NXN: variants seen among roughly 807,000 people sequenced by gnomAD.
NXN encodes the protein nucleoredoxin.
NXN carries 16 observed loss-of-function variants against 48.6 expected under a neutral mutation model. The ratio of observed to expected loss-of-function variants is 0.33; its 90% CI spans 0.22 to 0.50. The LOEUF (loss-of-function observed/expected upper bound fraction) is 0.50, where lower values mean the gene tolerates loss of function less well. NXN is among the 20% of genes least tolerant of loss of function. The pLI is 0.98. For missense variants in NXN, 492 were observed against 605.5 expected (o/e 0.81, Z 1.97); for synonymous variants, 281 against 269.6 (o/e 1.04, Z -0.41).
intron 1 of NXN, among the ~76,000 whole-genome samples, chr17:957,796 G>A (rs2069188497): frequency 1.3e-5 from 2 of 152,056 alleles, no homozygotes; most frequent in Non-Finnish European, 2.9e-5. Context: ...CTGGAACCCA[G>A]ACTCTCTTTC....
At position 979,519 on chromosome 17, in the gene NXN, C is replaced by T; in HGVS notation, c.160G>A (p.Ala54Thr). The change falls in exon 1 of 8, where the codon GCC becomes ACC. Residue 54 changes from alanine (A) to threonine (T), a missense_variant. Coordinates refer to ENST00000336868, the MANE Select transcript of NXN (RefSeq NM_022463.5). ...APCAQLSASL[A>T]AFYGRLRGDA... ...CCCCGCAGGCGCCCGTAGAAGGCGG[C>T]CAGGCTGGCGCTGAGCTGCGCGCAG... 1.5e-5 allele frequency: 19 copies of T among 1,264,900 alleles called. No homozygotes were observed. The highest frequency in any genetic ancestry group is 1.9e-5 in the Non-Finnish European group (19 of 1,000,070). 78.4% of individuals were successfully genotyped at this position (1,264,900 alleles called of 1,614,324 possible).
At chr17:863,623 G>A (rs2068064082) in intron 1 of NXN, among the ~76,000 whole-genome samples, 1 of 152,158 alleles carries the variant, frequency 6.6e-6, no homozygotes, top group South Asian at 2.1e-4. Flanking sequence ...TCCATGCCCA[G>A]ATAATTTTTA....
Position 932,939 on chromosome 17 carries a change from C to T in NXN, c.360+46380G>A, listed in dbSNP as rs1296403065. On this transcript the variant is annotated intron_variant, in intron 1 of 7. Coordinates refer to ENST00000336868, the MANE Select transcript of NXN (RefSeq NM_022463.5). The surrounding 1 kb of genome is among the most constrained non-coding windows in gnomAD (Gnocchi z 4.1). Reference sequence around the variant, plus strand: ...CTGGGATTCCAGGCGTGAGCCACCGCGCCCAGCCCAGCCCGTCCTCTTGAA... The same window carrying T: ...CTGGGATTCCAGGCGTGAGCCACCGTGCCCAGCCCAGCCCGTCCTCTTGAA... Among the ~76,000 whole-genome samples the T allele has an allele frequency of 1.3e-5, 2 of 151,782 alleles. No individual in the cohort carries two copies. Among genetic ancestry groups the T allele is most frequent in the Non-Finnish European group, 2.9e-5 (2 of 67,936 alleles).
intron 1 of NXN, among the ~76,000 whole-genome samples, chr17:856,179 G>A (rs2067984056): frequency 6.6e-6 from 1 of 151,534 alleles, no homozygotes; most frequent in Admixed American, 6.6e-5. Flanking sequence ...GCAACAAAGT[G>A]AGACTCCGTC....
rs543971036 is a variant in NXN, at chr17:915,176, G to C, written c.360+64143C>G. ...GCCTCGAACTTCTGACCTCGTGATA[G>C]GTCCACCTCAGCCTCCAAAAGTGCT... On this transcript the variant is annotated intron_variant, in intron 1 of 7. Transcript: ENST00000336868. 4.6e-5 allele frequency among the ~76,000 whole-genome samples: 7 copies of C among 152,228 alleles called. 1 individual carries two copies. The East Asian group carries it at 1.2e-3, about 25-fold the overall frequency.
chr17:956,730 C>A lies in NXN; in HGVS notation c.360+22589G>T, dbSNP rs1368614405. Reference sequence around the variant, plus strand: ...GCGCCTGGCCAAGAGCTTTTTATATCAGTCATCGTCTTAAACCTCCACCGC... The same window carrying A: ...GCGCCTGGCCAAGAGCTTTTTATATAAGTCATCGTCTTAAACCTCCACCGC... On this transcript the variant is annotated intron_variant, in intron 1 of 7. Transcript: ENST00000336868. The surrounding 1 kb of genome is among the most constrained non-coding windows in gnomAD (Gnocchi z 4.1). 6.6e-6 allele frequency among the ~76,000 whole-genome samples: 1 copy of A among 152,094 alleles called. No individual in the cohort carries two copies. The highest frequency in any genetic ancestry group is 1.9e-4 in the East Asian group (1 of 5,194).
chr17:853,704 T>C lies in NXN; in HGVS notation c.361-27626A>G, dbSNP rs527720676. On this transcript the variant is annotated intron_variant, in intron 1 of 7. Transcript: ENST00000336868. The stretch of plus-strand genomic sequence containing the variant: ...CTTCTCACTATTTCTGTTATACACA[T>C]ATATATATATATATATATATTTTTT... Among the ~76,000 whole-genome samples the C allele has an allele frequency of 6.9e-3, 735 of 106,020 alleles. 16 individuals carry two copies. The highest frequency in any genetic ancestry group is 0.028 in the African/African-American group (629 of 22,230). The allele number at this position is 106,020 out of a possible 152,430, so 69.6% of individuals were successfully genotyped here. A position where few individuals can be genotyped will look rare whatever the true frequency, so the allele number is the denominator to read the frequency against.
At chr17:974,300 G>T (rs1020619923) in intron 1 of NXN, among the ~76,000 whole-genome samples, 5 of 151,926 alleles carry the variant, frequency 3.3e-5, no homozygotes, top group African/African-American at 4.8e-5. Context: ...GCAGTGAGCC[G>T]AGATCGCACC....
chr17:813,368 C>G (rs879642762), intron 5 of NXN, among the ~76,000 whole-genome samples: 1 of 152,206 alleles, frequency 6.6e-6, no homozygotes. Context: ...CTGAGTGAGA[C>G]GGGCTCTGAA....
intron 5 of NXN, among the ~76,000 whole-genome samples, chr17:813,910 G>T (rs958857422): frequency 2.0e-5 from 3 of 151,146 alleles, no homozygotes; most frequent in Non-Finnish European, 4.4e-5. Context: ...AGGTTGCAGT[G>T]AGCCAAGATT....
intron 1 of NXN, among the ~76,000 whole-genome samples, chr17:935,687 G>C (rs929491760): frequency 6.6e-6 from 1 of 152,178 alleles, no homozygotes; most frequent in Non-Finnish European, 1.5e-5. Flanking sequence ...TCTGAGAGCT[G>C]GGAGAGCCTG....
intron 1 of NXN, among the ~76,000 whole-genome samples, chr17:928,045 C>G (rs779878733): frequency 6.6e-6 from 1 of 151,786 alleles, no homozygotes; most frequent in African/African-American, 2.4e-5. Context: ...AGGACTCTGG[C>G]CAAGAATCTG....
rs373875416 is a variant in NXN, at chr17:876,691, C to T, written c.361-50613G>A. Among the ~76,000 whole-genome samples the T allele has an allele frequency of 5.9e-5, 9 of 152,278 alleles. 1 individual carries two copies. In the South Asian group the frequency reaches 1.2e-3, roughly 21 times the overall value. The stretch of plus-strand genomic sequence containing the variant: ...ATACCATCTTCATTCCTCATTTATA[C>T]GGGAAACTCCTTGTGGTTCCCTTTG... On this transcript the variant is annotated intron_variant, in intron 1 of 7. Coordinates refer to ENST00000336868, the MANE Select transcript of NXN (RefSeq NM_022463.5).
chr17:957,180 G>A (rs879553950), intron 1 of NXN, among the ~76,000 whole-genome samples: 3 of 152,064 alleles, frequency 2.0e-5, no homozygotes, highest in African/African-American at 7.2e-5. Flanking sequence ...GAGCACATAC[G>A]ATGAAAACAT....
chr17:864,185 C>A, intron 1 of NXN: 2 of 1,311,694 alleles, frequency 1.5e-6, no homozygotes, highest in Admixed American at 4.1e-5. Context: ...TCTGCCGTTG[C>A]TCGGTTCCGG....
At chr17:963,273 C>T (rs1242070033) in intron 1 of NXN, among the ~76,000 whole-genome samples, 2 of 147,718 alleles carry the variant, frequency 1.4e-5, no homozygotes, top group Non-Finnish European at 3.0e-5. Context: ...TTTTTTTTAA[C>T]ATACTGCCCT....
chr17:941,308 C>A (rs1291666966), intron 1 of NXN, among the ~76,000 whole-genome samples: 1 of 148,564 alleles, frequency 6.7e-6, no homozygotes, highest in African/African-American at 2.5e-5. Context: ...TTACAGCGAA[C>A]AAGATTCCAG....
chr17:831,607 C>T (rs148916997), intron 1 of NXN, among the ~76,000 whole-genome samples: 1 of 151,992 alleles, frequency 6.6e-6, no homozygotes. Context: ...TCAAGCAATT[C>T]TCATGCTTCA....
rs553678056 is a variant in NXN at position 839,797 on chromosome 17, T to TAAAA, written c.361-13723_361-13720dup. 9.1e-4 allele frequency among the ~76,000 whole-genome samples: 52 copies of TAAAA among 57,270 alleles called. 2 individuals are homozygous for TAAAA. Among genetic ancestry groups the TAAAA allele is most frequent in the South Asian group, 8.5e-3 (14 of 1,650 alleles). The allele number at this position is 57,270 out of a possible 152,430, so 37.6% of individuals were successfully genotyped here. On this transcript the variant is annotated intron_variant, in intron 1 of 7. Coordinates refer to ENST00000336868, the MANE Select transcript of NXN (RefSeq NM_022463.5). The stretch of plus-strand genomic sequence containing the variant: ...CAGCCTGGCGACAGAGAGACCTTGT[T>TAAAA]AAAAAAAAAAAAAAAAAGGCCAGGC...
Sources: gnomAD v4.1 joint callset for allele counts (sites outside exome capture counted in the v4.1 genomes callset) on GRCh38, gnomAD v4.1.1 for gene constraint, Gnocchi (gnomAD v3.1) non-coding constraint, MANE v1.5 for transcripts, NCBI Gene and HGNC (gene_info 2026-07-23, HGNC 2026-07-21) for gene names.